The following PRKN variants were observed in gnomAD, a reference collection of about 807,000 sequenced individuals.
PRKN encodes E3 ubiquitin-protein ligase parkin.
PRKN carries 56 observed loss-of-function variants against 59.5 expected under a neutral mutation model. The ratio of observed to expected loss-of-function variants is 0.94; its 90% CI spans 0.76 to 1.18. PRKN has a LOEUF of 1.18. Ranked by LOEUF, PRKN falls within the 50% of genes most tolerant of loss-of-function variation. The probability of loss-of-function intolerance (pLI) is 0.00; values close to 1 mark genes in which losing one functional copy is unlikely to be tolerated. For synonymous variants in PRKN, 250 were observed against 222.1 expected, an observed-to-expected ratio of 1.13 and a Z score of -1.12; for missense variants, 657 against 596.4, an observed-to-expected ratio of 1.10 and a Z score of -1.06.
At chr6:162,219,438 T>C (rs1290576251) in intron 3 of PRKN, among the ~76,000 whole-genome samples, 1 of 152,214 alleles carries the variant, frequency 6.6e-6, no homozygotes, top group Non-Finnish European at 1.5e-5. Context: ...TTAAACTGCA[T>C]ATTACAAACT....
rs145198544 is a variant in PRKN at position 162,099,174 on chromosome 6, G to A, written c.535-45000C>T. 4.7e-3 allele frequency among the ~76,000 whole-genome samples: 720 copies of A among 152,168 alleles called. 1 individual carries two copies. Among genetic ancestry groups the A allele is most frequent in the Admixed American group, 8.2e-3 (125 of 15,282 alleles). ...GAAATTCCTTTAAATTCAGCTTGAG[G>A]TTCCCATGGAATCACCTCTGGCCAC... On this transcript the variant is annotated intron_variant, in intron 4 of 11. Coordinates refer to ENST00000366898, the MANE Select transcript of PRKN (RefSeq NM_004562.3).
rs570735323 is a variant in PRKN at position 161,828,911 on chromosome 6, CAA to C, written c.735-43005_735-43004del. ...CGCCATTGCACTCTAGTCTGGAAAA[CAA>C]AGTGAGACTCCATCTCAAAAAAAAA... On this transcript the variant is annotated intron_variant, in intron 6 of 11. Coordinates refer to ENST00000366898, the MANE Select transcript of PRKN (RefSeq NM_004562.3). Among the ~76,000 whole-genome samples, 28 of 145,746 alleles carry C rather than the reference CAA, an allele frequency of 1.9e-4. 1 individual carries two copies. In the South Asian group the frequency reaches 6.2e-3, roughly 32 times the overall value.
chr6:162,071,578 C>T (rs143325046), intron 4 of PRKN, among the ~76,000 whole-genome samples: 241 of 146,068 alleles, frequency 1.6e-3, no homozygotes, highest in African/African-American at 5.9e-3. Context: ...CAGTGGATTC[C>T]AATTATTTTA....
intron 2 of PRKN, among the ~76,000 whole-genome samples, chr6:162,300,242 A>G (rs1243789211): frequency 6.7e-6 from 1 of 149,650 alleles, no homozygotes; most frequent in Non-Finnish European, 1.5e-5. Context: ...TTATTTCTGA[A>G]CACAGTGGCT....
chr6:161,820,347 A>G (rs1791969681), intron 6 of PRKN, among the ~76,000 whole-genome samples: 1 of 151,772 alleles, frequency 6.6e-6, no homozygotes, highest in Admixed American at 6.6e-5. Context: ...AACTTTCAAC[A>G]CAGCAACTCC....
At chr6:161,884,490 T>A (rs1265726871) in intron 6 of PRKN, among the ~76,000 whole-genome samples, 1 of 152,242 alleles carries the variant, frequency 6.6e-6, no homozygotes, top group Non-Finnish European at 1.5e-5. Context: ...TCGACTCAAG[T>A]GCTTCAGGCC....
At chr6:162,597,154 T>G (rs532690615) in intron 1 of PRKN, among the ~76,000 whole-genome samples, 1 of 152,320 alleles carries the variant, frequency 6.6e-6, no homozygotes, top group South Asian at 2.1e-4. Flanking sequence ...TCTCTTAACC[T>G]CTATGGAAAT....
At chr6:162,508,317 T>A (rs1793695380) in intron 1 of PRKN, among the ~76,000 whole-genome samples, 1 of 152,120 alleles carries the variant, frequency 6.6e-6, no homozygotes, top group Admixed American at 6.5e-5. Context: ...CAAATCAAGA[T>A]GAGATTTGGG....
intron 1 of PRKN, among the ~76,000 whole-genome samples, chr6:162,705,418 C>T (rs558315311): frequency 2.7e-4 from 41 of 152,142 alleles, no homozygotes; most frequent in Admixed American, 5.9e-4. Flanking sequence ...TGCCCTTAAT[C>T]AAGAGGAATC....
At chr6:161,511,050 G>A (rs1484150093) in intron 9 of PRKN, among the ~76,000 whole-genome samples, 1 of 152,096 alleles carries the variant, frequency 6.6e-6, no homozygotes, top group Non-Finnish European at 1.5e-5. Context: ...AATCTCTTAG[G>A]GTAATGGACT....
Position 162,305,252 on chromosome 6 carries a change from G to C in PRKN, c.172-42487C>G, listed in dbSNP as rs73598171. Among the ~76,000 whole-genome samples, 1,254 of 152,228 alleles carry C rather than the reference G, an allele frequency of 8.2e-3. 21 individuals carry two copies. The highest frequency in any genetic ancestry group is 0.029 in the African/African-American group (1,214 of 41,540). On this transcript the variant is annotated intron_variant, in intron 2 of 11. Transcript: ENST00000366898. ...TATGCCCTCAGTGTCTTTGTAAACGGAAGTGCCAGGCCACTATTCACTGAA... is the reference window on the plus strand; with the variant it reads ...TATGCCCTCAGTGTCTTTGTAAACGCAAGTGCCAGGCCACTATTCACTGAA...
chr6:162,405,835 G>A (rs1044721099), intron 2 of PRKN, among the ~76,000 whole-genome samples: 2 of 152,138 alleles, frequency 1.3e-5, no homozygotes, highest in Non-Finnish European at 2.9e-5. Flanking sequence ...AGTAAACCCC[G>A]AGTGATCTCA....
chr6:162,391,962 T>C (rs1366276209), intron 2 of PRKN, among the ~76,000 whole-genome samples: 1 of 152,180 alleles, frequency 6.6e-6, no homozygotes, highest in Non-Finnish European at 1.5e-5. Flanking sequence ...GGATTTTAGG[T>C]AGTCTGTATA....
chr6:162,171,035 C>A (rs1783247421), intron 4 of PRKN, among the ~76,000 whole-genome samples: 1 of 151,974 alleles, frequency 6.6e-6, no homozygotes, highest in South Asian at 2.1e-4. Context: ...TGGAGATTTT[C>A]ATGATATACT....
chr6:162,157,685 C>T (rs2849583), intron 4 of PRKN, among the ~76,000 whole-genome samples: 142,453 of 151,962 alleles, frequency 0.94, 67,363 homozygotes, highest in Non-Finnish European at 1. Context: ...ATGCAGATGG[C>T]GGACTATATT....
chr6:162,474,900 G>C (rs892368655), intron 1 of PRKN, among the ~76,000 whole-genome samples: 1 of 152,114 alleles, frequency 6.6e-6, no homozygotes, highest in Non-Finnish European at 1.5e-5. Context: ...GAAGGAAAAA[G>C]ATGAAGAGAC....
Position 161,464,572 on chromosome 6 carries a change from A to G in PRKN, c.1084-77695T>C, listed in dbSNP as rs1275190121. Among the ~76,000 whole-genome samples, 4 of 152,198 alleles carry G rather than the reference A, an allele frequency of 2.6e-5. No homozygotes were observed. In the East Asian group the frequency reaches 7.7e-4, roughly 29 times the overall value. On this transcript the variant is annotated intron_variant, in intron 9 of 11. Coordinates refer to ENST00000366898, the MANE Select transcript of PRKN (RefSeq NM_004562.3). Reference sequence around the variant, plus strand: ...TTCTGAAAAAGGTTTTCTCACGCCCATCTGCAGTCAACACCATCCTATGCC... The same window carrying G: ...TTCTGAAAAAGGTTTTCTCACGCCCGTCTGCAGTCAACACCATCCTATGCC...
intron 7 of PRKN, among the ~76,000 whole-genome samples, chr6:161,661,037 C>G (rs929225612): frequency 6.6e-6 from 1 of 152,268 alleles, no homozygotes; most frequent in African/African-American, 2.4e-5. Context: ...TGGCTTCTCA[C>G]TGACCTCAGC....
intron 9 of PRKN, among the ~76,000 whole-genome samples, chr6:161,439,990 G>A (rs558641759): frequency 4.7e-4 from 70 of 150,270 alleles, no homozygotes; most frequent in Non-Finnish European, 7.7e-4. Flanking sequence ...TCACTCTGCC[G>A]CCCAGGCTGG....
Sources: gnomAD v4.1 joint callset for allele counts (sites outside exome capture counted in the v4.1 genomes callset) on GRCh38, gnomAD v4.1.1 for gene constraint, MANE v1.5 for transcripts, NCBI Gene and HGNC (gene_info 2026-07-23, HGNC 2026-07-21) for gene names.